The following RAB3C variants were observed in gnomAD, a reference collection of about 807,000 sequenced individuals.
RAB3C encodes RAB3C, member RAS oncogene family, also known as ras-related protein Rab-3C.
RAB3C carries 17 observed loss-of-function variants against 26.4 expected under a neutral mutation model. That is an observed-to-expected ratio of 0.64 (90% CI 0.44 to 0.97). RAB3C has a LOEUF of 0.97. Ranked by LOEUF, RAB3C falls within the 50% of genes least tolerant of loss-of-function variation. The probability of loss-of-function intolerance (pLI) is 0.00; values close to 1 mark genes in which losing one functional copy is unlikely to be tolerated. For synonymous variants in RAB3C, 91 were observed against 95.9 expected, an observed-to-expected ratio of 0.95 and a Z score of 0.30; for missense variants, 242 against 281.9, an observed-to-expected ratio of 0.86 and a Z score of 1.01.
At chr5:58,806,423 A>G (rs1050332251) in intron 3 of RAB3C, among the ~76,000 whole-genome samples, 2 of 152,168 alleles carry the variant, frequency 1.3e-5, no homozygotes, top group Admixed American at 6.5e-5. Context: ...AAACTGAATA[A>G]AAATCTGATT....
At chr5:58,757,629 C>A (rs1019675452) in intron 3 of RAB3C, among the ~76,000 whole-genome samples, 11 of 152,178 alleles carry the variant, frequency 7.2e-5, no homozygotes, top group Admixed American at 6.6e-5. Flanking sequence ...GTGATGTTAA[C>A]TTTAATCAGC....
intron 2 of RAB3C, among the ~76,000 whole-genome samples, chr5:58,667,952 T>C (rs1162155371): frequency 1.3e-5 from 2 of 152,110 alleles, no homozygotes; most frequent in Non-Finnish European, 2.9e-5. Context: ...TCCATTGGGC[T>C]CAAAAACAGG....
At chr5:58,799,608 G>A (rs1742758646) in intron 3 of RAB3C, among the ~76,000 whole-genome samples, 1 of 152,056 alleles carries the variant, frequency 6.6e-6, no homozygotes, top group African/African-American at 2.4e-5. Context: ...AACAAACAAG[G>A]AATTGGGTTT....
intron 1 of RAB3C, among the ~76,000 whole-genome samples, chr5:58,595,079 C>T (rs193255177): frequency 5.2e-4 from 79 of 152,048 alleles, no homozygotes; most frequent in Non-Finnish European, 1.0e-3. Flanking sequence ...GGAAGTAAAG[C>T]CCGATTGTGT....
chr5:58,598,453 C>T (rs1746374895), intron 1 of RAB3C, among the ~76,000 whole-genome samples: 1 of 151,986 alleles, frequency 6.6e-6, no homozygotes. Flanking sequence ...TCTTTTCTTA[C>T]CACTTGGATT....
rs567345519 is a variant in RAB3C, at chr5:58,596,649, T to G, written c.24+13417T>G. 2.0e-3 allele frequency among the ~76,000 whole-genome samples: 150 copies of G among 74,330 alleles called. 2 individuals are homozygous for G. Among genetic ancestry groups the G allele is most frequent in the Non-Finnish European group, 3.2e-3 (131 of 40,726 alleles). 48.8% of individuals were successfully genotyped at this position (74,330 alleles called of 152,430 possible). ...ATACATAATATATAAATATATAATATATAATACATAATATATTATATATAA... is the reference window on the plus strand; with the variant it reads ...ATACATAATATATAAATATATAATAGATAATACATAATATATTATATATAA... On this transcript the variant is annotated intron_variant, in intron 1 of 4. Coordinates refer to ENST00000282878, the MANE Select transcript of RAB3C (RefSeq NM_138453.4).
intron 3 of RAB3C, among the ~76,000 whole-genome samples, chr5:58,782,909 C>A (rs453741): frequency 1.3e-4 from 20 of 151,452 alleles, no homozygotes; most frequent in Non-Finnish European, 2.1e-4. Context: ...ATTTTCACAG[C>A]CTTTGATTGT....
intron 2 of RAB3C, among the ~76,000 whole-genome samples, chr5:58,668,220 C>G (rs541954137): frequency 1.3e-5 from 2 of 152,234 alleles, no homozygotes; most frequent in South Asian, 4.1e-4. Flanking sequence ...CCTTCCTTTC[C>G]TCTTCAGAGA....
chr5:58,768,185 C>T (rs1381958795), intron 3 of RAB3C, among the ~76,000 whole-genome samples: 1 of 152,164 alleles, frequency 6.6e-6, no homozygotes, highest in Non-Finnish European at 1.5e-5. Flanking sequence ...CAGGATCATG[C>T]AGCACCAAGC....
chr5:58,730,420 G>A (rs931889438), intron 3 of RAB3C, among the ~76,000 whole-genome samples: 4 of 152,146 alleles, frequency 2.6e-5, no homozygotes, highest in East Asian at 1.9e-4. Flanking sequence ...ATTGAATGGT[G>A]GTTGTGGGTG....
chr5:58,743,223 T>C (rs1355142907), intron 3 of RAB3C, among the ~76,000 whole-genome samples: 5 of 152,330 alleles, frequency 3.3e-5, no homozygotes, highest in South Asian at 4.1e-4. Flanking sequence ...AAAAATCTAA[T>C]GTACCTGGCA....
chr5:58,799,159 G>A (rs1307087441), intron 3 of RAB3C, among the ~76,000 whole-genome samples: 1 of 152,120 alleles, frequency 6.6e-6, no homozygotes, highest in African/African-American at 2.4e-5. Context: ...GGAGGAGATG[G>A]TTTTCTATTC....
chr5:58,690,196 C>T (rs1481046243), intron 2 of RAB3C, among the ~76,000 whole-genome samples: 1 of 152,048 alleles, frequency 6.6e-6, no homozygotes, highest in South Asian at 2.1e-4. Flanking sequence ...GTTAAGAATT[C>T]TATAGCCATT....
chr5:58,824,979 T>C (rs1366630203), intron 3 of RAB3C, 59 bp from the exon 4 acceptor site: 1 of 1,223,808 alleles, frequency 8.2e-7, no homozygotes, highest in Non-Finnish European at 1.1e-6. Flanking sequence ...TTTCTTCTCC[T>C]TCATTTTATG....
intron 3 of RAB3C, among the ~76,000 whole-genome samples, chr5:58,815,547 A>C (rs976881073): frequency 2.4e-4 from 36 of 152,196 alleles, no homozygotes; most frequent in African/African-American, 8.7e-4. Flanking sequence ...AGACAGTGTC[A>C]GGGTATAAAA....
At chr5:58,664,426 T>G (rs1747963651) in intron 2 of RAB3C, among the ~76,000 whole-genome samples, 1 of 152,140 alleles carries the variant, frequency 6.6e-6, no homozygotes, top group Non-Finnish European at 1.5e-5. Context: ...GGTAAAATTA[T>G]AGAAATGGCG....
upstream of RAB3C, chr5:58,583,072 T>C: frequency 6.5e-7 from 1 of 1,528,836 alleles, no homozygotes; most frequent in Non-Finnish European, 8.8e-7. Context: ...AGAGGACAGC[T>C]CCAGTGCTGA....
At chr5:58,729,588 A>G (rs1043643011) in intron 3 of RAB3C, among the ~76,000 whole-genome samples, 1 of 150,330 alleles carries the variant, frequency 6.7e-6, no homozygotes, top group Non-Finnish European at 1.5e-5. Context: ...ATGTCCTTCC[A>G]TTTTATATTT....
intron 3 of RAB3C, among the ~76,000 whole-genome samples, chr5:58,808,628 G>A (rs762745764): frequency 1.3e-5 from 2 of 152,042 alleles, no homozygotes; most frequent in Non-Finnish European, 2.9e-5. Flanking sequence ...ATAATGAGGT[G>A]AAAAATAGAA....
Sources: gnomAD v4.1 joint callset for allele counts (sites outside exome capture counted in the v4.1 genomes callset) on GRCh38, gnomAD v4.1.1 for gene constraint, MANE v1.5 for transcripts, NCBI Gene and HGNC (gene_info 2026-07-23, HGNC 2026-07-21) for gene names.